SEPTIN7: variants seen among roughly 807,000 people sequenced by gnomAD.
SEPTIN7 encodes septin-7.
A neutral mutation model predicts 63.3 loss-of-function variants in SEPTIN7; 10 were observed. That is an observed-to-expected ratio of 0.16 (90% CI 0.10 to 0.27). The LOEUF (loss-of-function observed/expected upper bound fraction) is 0.27. Among genes scored for constraint, SEPTIN7 ranks in the 10% least tolerant of loss-of-function variants. The probability of loss-of-function intolerance (pLI) is 1.00; values close to 1 mark genes in which losing one functional copy is unlikely to be tolerated. For synonymous variants in SEPTIN7, 131 were observed against 165.3 expected (o/e 0.79, Z 1.59); for missense variants, 310 against 521.0 (o/e 0.59, Z 3.94).
chr7:35,844,931 C>A (rs1784584375), intron 3 of SEPTIN7, among the ~76,000 whole-genome samples: 1 of 152,134 alleles, frequency 6.6e-6, no homozygotes, highest in East Asian at 1.9e-4. Flanking sequence ...GTTGTGATTA[C>A]AAAAAGTAAA....
At chr7:35,830,184 A>G (rs1230127843) in intron 1 of SEPTIN7, among the ~76,000 whole-genome samples, 1 of 149,854 alleles carries the variant, frequency 6.7e-6, no homozygotes, top group African/African-American at 2.4e-5. Context: ...TTCTGTCTCA[A>G]AAAAAAAAAA....
chr7:35,912,554 A>G, the SEPTIN7 span, among the ~76,000 whole-genome samples: 2 of 152,098 alleles, frequency 1.3e-5, no homozygotes, highest in Non-Finnish European at 2.9e-5. Context: ...TTACACCTCT[A>G]TATTTCTGTG....
At chr7:35,841,203 AGAGT>A (rs1245062386) in intron 3 of SEPTIN7, among the ~76,000 whole-genome samples, 7 of 152,250 alleles carry the variant, frequency 4.6e-5, no homozygotes, top group Admixed American at 3.3e-4. Flanking sequence ...CTTGGGCGAC[AGAGT>A]GAGTGAGATT....
At chr7:35,808,369 A>G (rs1788487871) in intron 1 of SEPTIN7, among the ~76,000 whole-genome samples, 1 of 152,012 alleles carries the variant, frequency 6.6e-6, no homozygotes, top group Non-Finnish European at 1.5e-5. Flanking sequence ...ATTATTTCCC[A>G]CATGTTTTTT....
intron 12 of SEPTIN7, chr7:35,899,651 A>G (rs1372010304): frequency 6.6e-6 from 1 of 152,258 alleles, no homozygotes; most frequent in East Asian, 1.9e-4. Flanking sequence ...GGGAGGCCAA[A>G]GAAGAAGGAT....
chr7:35,886,947 G>T (rs1351700341), intron 10 of SEPTIN7, among the ~76,000 whole-genome samples: 1 of 152,166 alleles, frequency 6.6e-6, no homozygotes, highest in African/African-American at 2.4e-5. Flanking sequence ...AAAGGAGCAG[G>T]TGTTCTTGGT....
At chr7:35,831,812 A>G (rs1048621931) in intron 2 of SEPTIN7, 19 of 254,916 alleles carry the variant, frequency 7.5e-5, no homozygotes, top group African/African-American at 4.5e-4. Context: ...TAAACATTGT[A>G]GACTTCTGTT....
intron 9 of SEPTIN7, among the ~76,000 whole-genome samples, chr7:35,884,601 G>A (rs1250743509): frequency 6.6e-6 from 1 of 152,108 alleles, no homozygotes; most frequent in Admixed American, 6.6e-5. Context: ...TTGGAGAGAA[G>A]GCCAGTCACT....
At chr7:35,907,315 T>C (rs1788648098), downstream of SEPTIN7, among the ~76,000 whole-genome samples, 1 of 152,164 alleles carries the variant, frequency 6.6e-6, no homozygotes, top group Admixed American at 6.5e-5. Context: ...TTGTACTTCA[T>C]CCAGAATTTT....
chr7:35,811,998 G>T (rs1788747702), intron 1 of SEPTIN7: 2 of 189,390 alleles, frequency 1.1e-5, no homozygotes, highest in Middle Eastern at 1.9e-3. Context: ...ATGGTGGTTG[G>T]TGCCTGTAAT....
At chr7:35,903,583 T>A (rs563730486) in intron 13 of SEPTIN7, among the ~76,000 whole-genome samples, 5 of 152,324 alleles carry the variant, frequency 3.3e-5, no homozygotes, top group Non-Finnish European at 7.4e-5. Flanking sequence ...CTATTACATA[T>A]TTAGGGGTAT....
At chr7:35,809,337 A>G (rs1162304119) in intron 1 of SEPTIN7, among the ~76,000 whole-genome samples, 1 of 152,246 alleles carries the variant, frequency 6.6e-6, no homozygotes, top group Admixed American at 6.5e-5. Context: ...TCATAAGGTT[A>G]TTGGAGAAGT....
intron 1 of SEPTIN7, among the ~76,000 whole-genome samples, chr7:35,803,920 C>G (rs184239135): frequency 1.2e-4 from 19 of 152,256 alleles, no homozygotes. Context: ...CAGGTTGTGA[C>G]CCATTAGTGG....
intron 1 of SEPTIN7, among the ~76,000 whole-genome samples, chr7:35,805,853 ATC>A (rs1441710476): frequency 2.6e-5 from 4 of 152,182 alleles, no homozygotes; most frequent in African/African-American, 9.7e-5. Context: ...AAGTTGTAAC[ATC>A]TTAATTCTGT....
intron 1 of SEPTIN7, among the ~76,000 whole-genome samples, chr7:35,810,326 C>CTT (rs1201297520): frequency 8.6e-5 from 12 of 139,000 alleles, no homozygotes; most frequent in African/African-American, 1.3e-4. Flanking sequence ...AAAATGTTTC[C>CTT]TTTTTTTTTT....
Position 35,898,185 on chromosome 7 carries a change from A to G in SEPTIN7, c.999-63A>G, listed in dbSNP as rs747752941. ...CTGATTTGTTTTCATCAGCTGTTTC[A>G]TAGTTCTGTATTATAATTTTTATTC... On this transcript the variant is annotated intron_variant, in intron 11 of 13. Coordinates refer to ENST00000350320, the MANE Select transcript of SEPTIN7 (RefSeq NM_001788.6). 5.5e-5 allele frequency: 73 copies of G among 1,319,666 alleles called. 1 individual carries two copies. The highest frequency in any genetic ancestry group is 2.5e-4 in the Admixed American group (9 of 36,110). 81.7% of individuals were successfully genotyped at this position (1,319,666 alleles called of 1,614,324 possible).
At chr7:35,832,772 A>G in intron 2 of SEPTIN7, 26 bp from the exon 3 acceptor site, 1 of 1,258,674 alleles carries the variant, frequency 7.9e-7, no homozygotes, top group Non-Finnish European at 1.2e-6. Flanking sequence ...ATACATGAAT[A>G]ACTTGGCCCT....
intron 1 of SEPTIN7, among the ~76,000 whole-genome samples, chr7:35,808,188 G>A (rs1562730865): frequency 6.6e-6 from 1 of 151,712 alleles, no homozygotes; most frequent in Non-Finnish European, 1.5e-5. Flanking sequence ...AGGTTAAACA[G>A]AGAGATACAG....
intron 1 of SEPTIN7, among the ~76,000 whole-genome samples, chr7:35,807,681 A>T (rs1788441837): frequency 6.6e-6 from 1 of 151,856 alleles, no homozygotes; most frequent in African/African-American, 2.4e-5. Flanking sequence ...TATTTTTAGT[A>T]GAGACAGGGT....
Sources: gnomAD v4.1 joint callset for allele counts (sites outside exome capture counted in the v4.1 genomes callset) on GRCh38, gnomAD v4.1.1 for gene constraint, MANE v1.5 for transcripts, NCBI Gene and HGNC (gene_info 2026-07-23, HGNC 2026-07-21) for gene names.